PDE1A: variants seen among roughly 807,000 people sequenced by gnomAD.
PDE1A encodes phosphodiesterase 1A.
PDE1A carries 35 observed loss-of-function variants against 61.7 expected under a neutral mutation model. The observed-to-expected ratio is 0.57, with a 90% CI of 0.43 to 0.75. PDE1A has a LOEUF of 0.75. PDE1A is among the 30% of genes least tolerant of loss of function. The pLI, the probability that PDE1A is intolerant of heterozygous loss-of-function variation, is 0.00. For synonymous variants in PDE1A, 232 were observed against 213.2 expected (o/e 1.09, Z -0.77); for missense variants, 597 against 630.6 (o/e 0.95, Z 0.57).
intron 3 of PDE1A, among the ~76,000 whole-genome samples, 166 bp from the exon 4 acceptor site, chr2:182,234,664 A>G (rs922732): frequency 1.3e-3 from 197 of 152,316 alleles, no homozygotes; most frequent in African/African-American, 4.5e-3. Context: ...TTTTTACTAA[A>G]CATCTACAAT....
chr2:182,609,096 C>T, the PDE1A span, among the ~76,000 whole-genome samples: 15 of 152,080 alleles, frequency 9.9e-5, no homozygotes, highest in Non-Finnish European at 1.2e-4. Flanking sequence ...CTCTATCTAG[C>T]TCAAGGTTTG....
At chr2:182,555,812 C>G in the PDE1A span, among the ~76,000 whole-genome samples, 1 of 151,440 alleles carries the variant, frequency 6.6e-6, no homozygotes, top group East Asian at 1.9e-4. Flanking sequence ...ACTAAAAATA[C>G]AAAAATTAGC....
the PDE1A span, among the ~76,000 whole-genome samples, chr2:182,574,955 G>A: frequency 3.3e-5 from 5 of 152,174 alleles, no homozygotes; most frequent in Non-Finnish European, 7.3e-5. Flanking sequence ...CTCCCAAGGT[G>A]CTGGAATTAC....
intron 2 of PDE1A, among the ~76,000 whole-genome samples, chr2:182,518,284 G>A (rs1417040007): frequency 6.6e-6 from 1 of 151,418 alleles, no homozygotes; most frequent in Non-Finnish European, 1.5e-5. Context: ...GGTGATAAGG[G>A]CCTGGACAAC....
At chr2:182,567,274 T>C in the PDE1A span, among the ~76,000 whole-genome samples, 6,512 of 152,272 alleles carry the variant, frequency 0.043, 196 homozygotes, top group Middle Eastern at 0.072. Context: ...TGAAACTTCG[T>C]TTTCCTGGCA....
chr2:182,203,134 T>A (rs1686805096), intron 8 of PDE1A, among the ~76,000 whole-genome samples: 1 of 151,788 alleles, frequency 6.6e-6, no homozygotes. Context: ...GCTAACACGG[T>A]GAAACCCCGT....
intron 2 of PDE1A, among the ~76,000 whole-genome samples, chr2:182,439,528 G>A (rs1196815928): frequency 1.3e-5 from 2 of 151,904 alleles, no homozygotes; most frequent in East Asian, 1.9e-4. Flanking sequence ...GGCGTCAAGT[G>A]GAAGAAAGAT....
At chr2:182,564,609 G>T in the PDE1A span, among the ~76,000 whole-genome samples, 1 of 152,142 alleles carries the variant, frequency 6.6e-6, no homozygotes, top group Non-Finnish European at 1.5e-5. Context: ...TGCCTTGCTA[G>T]ATTGGGGAAG....
intron 2 of PDE1A, among the ~76,000 whole-genome samples, chr2:182,482,814 T>G (rs1438981731): frequency 5.3e-5 from 8 of 151,822 alleles, no homozygotes; most frequent in Admixed American, 5.3e-4. Context: ...AGCATGTGAG[T>G]TAGAGAAAGC....
chr2:182,395,429 A>T (rs1316255916), intron 1 of PDE1A, among the ~76,000 whole-genome samples: 1 of 152,214 alleles, frequency 6.6e-6, no homozygotes, highest in East Asian at 1.9e-4. Context: ...CAGGAAATAA[A>T]TCTAACTAAA....
At chr2:182,194,228 G>C (rs571550725) in intron 10 of PDE1A, among the ~76,000 whole-genome samples, 1 of 152,152 alleles carries the variant, frequency 6.6e-6, no homozygotes, top group Admixed American at 6.5e-5. Context: ...TTGTTATTTA[G>C]TTTAAAATAC....
chr2:182,213,297 T>TA (rs1687829677), intron 7 of PDE1A, among the ~76,000 whole-genome samples: 1 of 124,754 alleles, frequency 8.0e-6, no homozygotes, highest in Admixed American at 8.4e-5. Flanking sequence ...CAAAAGTAGA[T>TA]AAAACCACAA....
In PDE1A at chr2:182,455,106, A is replaced by G. The variant is rs548486724; in HGVS notation, c.101+67170T>C. On this transcript the variant is annotated intron_variant, in intron 2 of 14. Coordinates refer to the PDE1A transcript ENST00000410103. ...CAAAATGTGGGCAAAGGTTATGAACAGACACTTCTCAAAAGAAGACATTTA... is the reference window on the plus strand; with the variant it reads ...CAAAATGTGGGCAAAGGTTATGAACGGACACTTCTCAAAAGAAGACATTTA... Among the ~76,000 whole-genome samples, 99 of 152,048 alleles carry G rather than the reference A, an allele frequency of 6.5e-4. 1 individual carries two copies. The highest frequency in any genetic ancestry group is 2.3e-3 in the African/African-American group (96 of 41,546).
rs1484912213 is a variant in PDE1A at position 182,276,932 on chromosome 2, G to GA, written c.54-12519dup. ...GTACCCTCGGGCTTATTAGGGTGGG[G>GA]AAAAAATCCCGTCCTGGTAAATTTG... On this transcript the variant is annotated intron_variant, in intron 1 of 13. Coordinates refer to ENST00000351439, the Ensembl canonical transcript of PDE1A. 5.3e-5 allele frequency among the ~76,000 whole-genome samples: 8 copies of GA among 151,858 alleles called. No homozygotes were observed. The East Asian group carries it at 5.8e-4, about 11-fold the overall frequency.
At chr2:182,369,095 TTCCCCG>T (rs1178834121) in intron 1 of PDE1A, among the ~76,000 whole-genome samples, 1 of 152,142 alleles carries the variant, frequency 6.6e-6, no homozygotes, top group Admixed American at 6.6e-5. Flanking sequence ...CTTAGATTAC[TTCCCCG>T]TCTTTCTATC....
intron 1 of PDE1A, among the ~76,000 whole-genome samples, chr2:182,332,488 A>G (rs1160791266): frequency 6.6e-6 from 1 of 152,050 alleles, no homozygotes; most frequent in African/African-American, 2.4e-5. Flanking sequence ...ATCTTCATGG[A>G]TTTAACTACC....
chr2:182,635,909 T>C, the PDE1A span, among the ~76,000 whole-genome samples: 6 of 151,936 alleles, frequency 3.9e-5, no homozygotes, highest in Admixed American at 1.3e-4. Context: ...TATTTTTCTT[T>C]ACTTCCGTCA....
chr2:182,264,216 T>G, intron 2 of PDE1A, 85 bp downstream of exon 2: 2 of 839,104 alleles, frequency 2.4e-6, no homozygotes, highest in Non-Finnish European at 3.8e-6. Context: ...GCTAAATTCC[T>G]GTTTGAGATA....
chr2:182,481,025 C>A (rs1224733124), intron 2 of PDE1A, among the ~76,000 whole-genome samples: 1 of 151,890 alleles, frequency 6.6e-6, no homozygotes, highest in East Asian at 1.9e-4. Flanking sequence ...CTGCTCCTTC[C>A]ATTCTTGCAC....
Sources: allele counts gnomAD v4.1 joint callset (sites outside exome capture counted in the v4.1 genomes callset), GRCh38; gene constraint gnomAD v4.1.1; transcripts MANE v1.5; gene names NCBI Gene and HGNC (gene_info 2026-07-23, HGNC 2026-07-21).